The following TCF4 variants were observed in gnomAD, a reference collection of about 807,000 sequenced individuals.
The protein encoded by TCF4 is SL3-3 enhancer factor 2.
TCF4 carries 3 observed loss-of-function variants against 82.1 expected under a neutral mutation model. The ratio of observed to expected loss-of-function variants is 0.04; its 90% CI spans 0.02 to 0.09. TCF4 has a LOEUF of 0.09. Ranked by LOEUF, TCF4 falls within the 10% of genes least tolerant of loss-of-function variation. The pLI is 1.00. For synonymous variants in TCF4, 276 were observed against 309.6 expected, an observed-to-expected ratio of 0.89 and a Z score of 1.14; for missense variants, 518 against 852.7, an observed-to-expected ratio of 0.61 and a Z score of 4.89.
chr18:55,433,298 T>C (rs2095252083), intron 5 of TCF4, among the ~76,000 whole-genome samples: 1 of 152,202 alleles, frequency 6.6e-6, no homozygotes, highest in African/African-American at 2.4e-5. Context: ...AGATAACAAA[T>C]GCTCCTCACA....
intron 8 of TCF4, among the ~76,000 whole-genome samples, chr18:55,308,292 G>T (rs1220729370): frequency 6.6e-6 from 1 of 152,182 alleles, no homozygotes; most frequent in Non-Finnish European, 1.5e-5. Flanking sequence ...GATCCAAGGG[G>T]TATACGTGCT....
chr18:55,392,049 C>T (rs1401108571), intron 6 of TCF4, among the ~76,000 whole-genome samples: 9 of 140,848 alleles, frequency 6.4e-5, no homozygotes, highest in South Asian at 2.4e-4. Context: ...CTGCAACCTC[C>T]GCCTCCCAGG....
intron 8 of TCF4, among the ~76,000 whole-genome samples, chr18:55,333,482 C>CA (rs111343105): frequency 2.4e-4 from 36 of 151,138 alleles, no homozygotes; most frequent in African/African-American, 7.8e-4. Context: ...GAAAAACAAA[C>CA]AAAAAAAACC....
intron 8 of TCF4, among the ~76,000 whole-genome samples, chr18:55,303,861 G>A (rs1206357614): frequency 6.6e-6 from 1 of 152,172 alleles, no homozygotes; most frequent in East Asian, 1.9e-4. Flanking sequence ...ATTTGAAATA[G>A]TGAAATAGCA....
chr18:55,368,053 A>C, intron 6 of TCF4, among the ~76,000 whole-genome samples: 1 of 152,210 alleles, frequency 6.6e-6, no homozygotes, highest in East Asian at 1.9e-4. Flanking sequence ...TTCTTGAATG[A>C]AGCAAATAAC....
intron 5 of TCF4, among the ~76,000 whole-genome samples, chr18:55,417,936 A>C (rs17089803): frequency 0.084 from 12,784 of 151,916 alleles, 1,222 homozygotes; most frequent in African/African-American, 0.23. Context: ...AGAAGTATCC[A>C]AACTCATCTG....
chr18:55,399,268 G>T (rs1189182020), intron 6 of TCF4, among the ~76,000 whole-genome samples: 1 of 152,126 alleles, frequency 6.6e-6, no homozygotes, highest in Non-Finnish European at 1.5e-5. Context: ...TAATTTCGAT[G>T]AACCAAAAAT....
In TCF4 at chr18:55,397,502, T is replaced by C. The variant is rs141934471; in HGVS notation, c.369+5952A>G. Among the ~76,000 whole-genome samples, 228 of 152,254 alleles carry C rather than the reference T, an allele frequency of 1.5e-3. 1 individual carries two copies. The highest frequency in any genetic ancestry group is 5.3e-3 in the African/African-American group (219 of 41,556). ...AAGTTTGAGTCCAGCCTTGGCAACA[T>C]AGCGATACCCCATCCCTAAAAAATA... On this transcript the variant is annotated intron_variant, in intron 6 of 19. Coordinates refer to ENST00000354452, the MANE Select transcript of TCF4 (RefSeq NM_001083962.2).
upstream of TCF4, among the ~76,000 whole-genome samples, chr18:55,590,308 C>G (rs1455839698): frequency 6.6e-6 from 1 of 152,186 alleles, no homozygotes; most frequent in Non-Finnish European, 1.5e-5. Flanking sequence ...CAAGTTGGTC[C>G]TAGGCTGGAA....
chr18:55,564,520 C>A (rs577333049), intron 3 of TCF4, among the ~76,000 whole-genome samples: 1 of 152,236 alleles, frequency 6.6e-6, no homozygotes, highest in East Asian at 1.9e-4. Context: ...GCACAACTCA[C>A]AATTATCATG....
intron 2 of TCF4, among the ~76,000 whole-genome samples, chr18:55,630,075 G>A (rs2097730169): frequency 6.6e-6 from 1 of 152,034 alleles, no homozygotes; most frequent in Admixed American, 6.5e-5. Context: ...AGCACCATCT[G>A]AAGACATTTG....
intron 8 of TCF4, among the ~76,000 whole-genome samples, chr18:55,336,567 A>AG (rs779007272): frequency 3.5e-4 from 53 of 152,112 alleles, no homozygotes; most frequent in Admixed American, 1.1e-3. Flanking sequence ...TGCTTTCTTT[A>AG]GGGGGCAAGA....
chr18:55,373,337 A>C (rs1223037084), intron 6 of TCF4, among the ~76,000 whole-genome samples: 2 of 152,124 alleles, frequency 1.3e-5, no homozygotes, highest in Non-Finnish European at 1.5e-5. Flanking sequence ...GTCCACCAAA[A>C]ATATAAAATA....
chr18:55,455,179 CAAAAAA>C (rs35889370), intron 5 of TCF4, among the ~76,000 whole-genome samples: 5 of 67,472 alleles, frequency 7.4e-5, no homozygotes, highest in South Asian at 6.6e-4. Context: ...GACTCTGTCT[CAAAAAA>C]AAAAAAAAAA....
intron 3 of TCF4, among the ~76,000 whole-genome samples, chr18:55,550,090 A>G (rs903898063): frequency 3.3e-5 from 5 of 152,218 alleles, no homozygotes; most frequent in Admixed American, 2.6e-4. Flanking sequence ...ACTATAAACT[A>G]TCCAAGTTAT....
intron 3 of TCF4, among the ~76,000 whole-genome samples, chr18:55,568,298 T>C (rs1603623636): frequency 6.6e-6 from 1 of 150,688 alleles, no homozygotes; most frequent in African/African-American, 2.4e-5. Context: ...AAAAGAGTAA[T>C]AAATAAGAAA....
chr18:55,588,527 C>G, upstream of TCF4: 3 of 1,533,120 alleles, frequency 2.0e-6, no homozygotes, highest in Non-Finnish European at 2.6e-6. Context: ...CAGTTTTTGC[C>G]CGTTGCATCC....
At chr18:55,447,526 C>A (rs1462914753) in intron 5 of TCF4, among the ~76,000 whole-genome samples, 1 of 152,042 alleles carries the variant, frequency 6.6e-6, no homozygotes, top group Non-Finnish European at 1.5e-5. Flanking sequence ...CACCAGCTTC[C>A]CAAAAGTACT....
At chr18:55,457,262 G>C (rs2095779564) in intron 5 of TCF4, among the ~76,000 whole-genome samples, 1 of 152,130 alleles carries the variant, frequency 6.6e-6, no homozygotes, top group Non-Finnish European at 1.5e-5. Context: ...AACCCTGTAT[G>C]ACAACTATAA....
Sources: allele counts gnomAD v4.1 joint callset (sites outside exome capture counted in the v4.1 genomes callset), GRCh38; gene constraint gnomAD v4.1.1; transcripts MANE v1.5; gene names NCBI Gene and HGNC (gene_info 2026-07-23, HGNC 2026-07-21).